Variants in ETV6 observed in about 807,000 individuals in gnomAD.
ETV6 encodes the protein ETS variant transcription factor 6.
In ETV6, 16 loss-of-function variants were observed where a neutral mutation model predicts 51.1. That is an observed-to-expected ratio of 0.31 (90% CI 0.21 to 0.48). The LOEUF is 0.48. Among genes scored for constraint, ETV6 ranks in the 20% least tolerant of loss-of-function variants. The pLI is 0.99. For missense variants in ETV6, 458 were observed against 594.8 expected, an observed-to-expected ratio of 0.77 and a Z score of 2.39; for synonymous variants, 240 against 224.1, an observed-to-expected ratio of 1.07 and a Z score of -0.64.
rs933841118 is a variant in ETV6 at position 11,876,250 on chromosome 12, G to A, written c.1009+6281G>A. On this transcript the variant is annotated intron_variant, in intron 5 of 7. Transcript: ENST00000396373. ...AAGTATTTAGCTACGTAAAAGAAAC[G>A]ATTTATTTGCACTTTGGATTATACA... Among the ~76,000 whole-genome samples the A allele has an allele frequency of 5.9e-5, 9 of 152,086 alleles. No individual in the cohort carries two copies. In the South Asian group the frequency reaches 1.0e-3, roughly 18 times the overall value.
intron 2 of ETV6, among the ~76,000 whole-genome samples, chr12:11,777,485 T>A (rs998349277): frequency 6.6e-6 from 1 of 152,050 alleles, no homozygotes; most frequent in Non-Finnish European, 1.5e-5. Context: ...TGCCCAGGAT[T>A]ATTTCTGTCC....
intron 2 of ETV6, among the ~76,000 whole-genome samples, chr12:11,805,755 A>T (rs1440900936): frequency 6.6e-6 from 1 of 152,224 alleles, no homozygotes; most frequent in African/African-American, 2.4e-5. Context: ...AGGATTGCAG[A>T]TGGTGAGGTA....
intron 1 of ETV6, chr12:11,750,792 C>CTTTTTTTTTTTTTTTTTTTTTT (rs6144613): frequency 2.9e-6 from 1 of 349,590 alleles, no homozygotes; most frequent in Non-Finnish European, 5.3e-6. Context: ...TATGTGTGGG[C>CTTTTTTTTTTTTTTTTTTTTTT]TTTTTTTTTT....
intron 1 of ETV6, among the ~76,000 whole-genome samples, chr12:11,677,399 T>G (rs539929468): frequency 7.9e-5 from 12 of 152,374 alleles, no homozygotes; most frequent in African/African-American, 2.9e-4. Context: ...ATTCTTTGGC[T>G]GTATACGGAC....
In ETV6 at chr12:11,853,561, G is replaced by A. The variant is rs1157133215; in HGVS notation, c.463G>A (p.Asp155Asn). The change falls in exon 4 of 8, where the codon GAT becomes AAT. Residue 155 changes from aspartate (D) to asparagine (N), a missense_variant and splice_region_variant. Coordinates refer to ENST00000396373, the MANE Select transcript of ETV6 (RefSeq NM_001987.5). ...CATACTGCATCAGAACCATGAAGAA[G>A]GTACTGGAAGAGGTTTCTCTTTTCT... is the stretch of plus-strand genomic sequence containing the variant. ...EVILHQNHEEDNCVQRTPRPS... is the reference protein window; with the variant it reads ...EVILHQNHEENNCVQRTPRPS... 6.2e-7 allele frequency: 1 copy of A among 1,614,144 alleles called. No individual in the cohort carries two copies. Among genetic ancestry groups the A allele is most frequent in the Non-Finnish European group, 8.5e-7 (1 of 1,180,014 alleles).
intron 2 of ETV6, among the ~76,000 whole-genome samples, chr12:11,805,544 A>G (rs1945816883): frequency 6.6e-6 from 1 of 152,232 alleles, no homozygotes; most frequent in African/African-American, 2.4e-5. Flanking sequence ...GGTGTGTCGC[A>G]TACATTTAAG....
At chr12:11,855,178 C>T (rs1257067383) in intron 4 of ETV6, among the ~76,000 whole-genome samples, 3 of 150,052 alleles carry the variant, frequency 2.0e-5, no homozygotes, top group South Asian at 2.1e-4. Flanking sequence ...TGGTGGCAGG[C>T]GCCTGTAGTC....
chr12:11,714,929 C>T (rs1035684482), intron 1 of ETV6, among the ~76,000 whole-genome samples: 1 of 152,006 alleles, frequency 6.6e-6, no homozygotes, highest in Non-Finnish European at 1.5e-5. Flanking sequence ...GACTGACAGT[C>T]GTGGAAGGTG....
intron 2 of ETV6, among the ~76,000 whole-genome samples, chr12:11,777,568 G>T (rs1281750801): frequency 1.3e-5 from 2 of 151,892 alleles, no homozygotes; most frequent in East Asian, 1.9e-4. Context: ...TGCAAATCTG[G>T]GCGTGCATTT....
rs74060864 is a variant in ETV6 at position 11,823,232 on chromosome 12, T to C, written c.164-15908T>C. On this transcript the variant is annotated intron_variant, in intron 2 of 7. Transcript: ENST00000396373. ...ATCTGTGACTATAACTCCGTATTTC[T>C]TTGAAGATGCAATTCATCACTGAAC... Among the ~76,000 whole-genome samples, 1,246 of 152,300 alleles carry C rather than the reference T, an allele frequency of 8.2e-3. 19 individuals carry two copies. The highest frequency in any genetic ancestry group is 0.029 in the African/African-American group (1,197 of 41,544).
intron 1 of ETV6, among the ~76,000 whole-genome samples, chr12:11,745,514 T>A (rs75454847): frequency 4.6e-5 from 7 of 152,172 alleles, no homozygotes; most frequent in Non-Finnish European, 7.4e-5. Flanking sequence ...AAATCTTTTT[T>A]CCCCCACAGG....
intron 1 of ETV6, among the ~76,000 whole-genome samples, chr12:11,665,666 T>C (rs568999183): frequency 6.6e-6 from 1 of 152,314 alleles, no homozygotes; most frequent in South Asian, 2.1e-4. Flanking sequence ...ATATGTAAGA[T>C]AAAGACCTCA....
intron 3 of ETV6, among the ~76,000 whole-genome samples, chr12:11,844,557 C>T (rs1946433461): frequency 6.6e-6 from 1 of 151,970 alleles, no homozygotes; most frequent in Non-Finnish European, 1.5e-5. Context: ...CAAAATTGGC[C>T]TATTAATTTC....
At chr12:11,653,897 C>T (rs939332768) in intron 1 of ETV6, among the ~76,000 whole-genome samples, 1 of 152,128 alleles carries the variant, frequency 6.6e-6, no homozygotes, top group African/African-American at 2.4e-5. Context: ...ACTGCAACCT[C>T]TACCTCCTAG....
At chr12:11,813,284 C>T (rs900530501) in intron 2 of ETV6, among the ~76,000 whole-genome samples, 1 of 152,216 alleles carries the variant, frequency 6.6e-6, no homozygotes, top group Non-Finnish European at 1.5e-5. Context: ...ACCCCAGCCC[C>T]AGCCCACCCG....
intron 3 of ETV6, among the ~76,000 whole-genome samples, chr12:11,841,208 A>G (rs1946385941): frequency 6.6e-6 from 1 of 152,248 alleles, no homozygotes; most frequent in Non-Finnish European, 1.5e-5. Flanking sequence ...GCTATGAACA[A>G]AGATACGTGA....
intron 1 of ETV6, among the ~76,000 whole-genome samples, chr12:11,662,478 G>A (rs1864118012): frequency 6.6e-6 from 1 of 152,236 alleles, no homozygotes; most frequent in African/African-American, 2.4e-5. Flanking sequence ...GGGAATGCCT[G>A]TGTGTGCGTT....
chr12:11,822,052 T>C (rs1946088871), intron 2 of ETV6, among the ~76,000 whole-genome samples: 1 of 152,244 alleles, frequency 6.6e-6, no homozygotes, highest in South Asian at 2.1e-4. Context: ...AAGTCTTCCC[T>C]GGCCGTGCAC....
At chr12:11,693,299 T>C (rs1238508890) in intron 1 of ETV6, among the ~76,000 whole-genome samples, 2 of 152,266 alleles carry the variant, frequency 1.3e-5, no homozygotes, top group African/African-American at 4.8e-5. Context: ...GCGTATGCAG[T>C]TCCTGGAGGC....
Sources: allele counts gnomAD v4.1 joint callset (sites outside exome capture counted in the v4.1 genomes callset), GRCh38; gene constraint gnomAD v4.1.1; transcripts MANE v1.5; gene names NCBI Gene and HGNC (gene_info 2026-07-23, HGNC 2026-07-21).